Variants in KHDRBS2 observed in about 807,000 individuals in gnomAD.
The protein encoded by KHDRBS2 is KH RNA binding domain containing, signal transduction associated 2.
A neutral mutation model predicts 44.3 loss-of-function variants in KHDRBS2; 26 were observed. The ratio of observed to expected loss-of-function variants is 0.59; its 90% CI spans 0.43 to 0.81. KHDRBS2 has a LOEUF of 0.81. KHDRBS2 is among the 40% of genes least tolerant of loss of function. The probability of loss-of-function intolerance (pLI) is 0.00; values close to 1 mark genes in which losing one functional copy is unlikely to be tolerated. For missense variants in KHDRBS2, 476 were observed against 433.1 expected (o/e 1.10, Z -0.88); for synonymous variants, 194 against 151.1 (o/e 1.28, Z -2.08).
intron 1 of KHDRBS2, among the ~76,000 whole-genome samples, chr6:62,198,751 C>G (rs1337904905): frequency 1.3e-5 from 2 of 152,146 alleles, no homozygotes; most frequent in Admixed American, 1.3e-4. Context: ...CCAGCAACAT[C>G]CTGATACCAA....
chr6:61,596,759 C>T, the KHDRBS2 span, among the ~76,000 whole-genome samples: 2 of 152,120 alleles, frequency 1.3e-5, no homozygotes, highest in Non-Finnish European at 2.9e-5. Flanking sequence ...TCAAGTGATT[C>T]TTCTGCCTCA....
chr6:62,207,212 T>G (rs1415973527), intron 1 of KHDRBS2, among the ~76,000 whole-genome samples: 1 of 152,066 alleles, frequency 6.6e-6, no homozygotes, highest in Non-Finnish European at 1.5e-5. Flanking sequence ...GAAAAAAGTG[T>G]AAAGATTCTG....
rs1317927714 is a variant in KHDRBS2, at chr6:61,721,961, C to T, written c.893+10721G>A. Among the ~76,000 whole-genome samples the T allele has an allele frequency of 2.7e-5, 4 of 148,490 alleles. No individual in the cohort carries two copies. In the East Asian group the frequency reaches 8.0e-4, roughly 30 times the overall value. On this transcript the variant is annotated intron_variant, in intron 7 of 8. Transcript: ENST00000281156. The stretch of plus-strand genomic sequence containing the variant: ...ATTTTGAGATACGTCCAATCAATAC[C>T]TAATTTATTGAGAGTTTTTAGCATG...
chr6:61,894,562 A>T, intron 6 of KHDRBS2, 73 bp downstream of exon 6: 1 of 1,220,036 alleles, frequency 8.2e-7, no homozygotes, highest in Non-Finnish European at 1.2e-6. Flanking sequence ...ACGGTATATG[A>T]ACAGTTTGAG....
At chr6:61,564,508 C>A in the KHDRBS2 span, among the ~76,000 whole-genome samples, 1 of 152,014 alleles carries the variant, frequency 6.6e-6, no homozygotes, top group Admixed American at 6.6e-5. Flanking sequence ...TTTTATGGTT[C>A]TCTGGTGAGT....
At chr6:61,973,728 T>C (rs1186496389) in intron 4 of KHDRBS2, among the ~76,000 whole-genome samples, 1 of 152,174 alleles carries the variant, frequency 6.6e-6, no homozygotes, top group Admixed American at 6.5e-5. Context: ...ATATCTTTCC[T>C]TTAAATTATA....
chr6:61,991,708 A>G (rs1454323707), intron 3 of KHDRBS2, among the ~76,000 whole-genome samples: 2 of 152,184 alleles, frequency 1.3e-5, no homozygotes, highest in African/African-American at 4.8e-5. Flanking sequence ...TTCAAGGTGG[A>G]ATATCAGTTT....
intron 1 of KHDRBS2, among the ~76,000 whole-genome samples, chr6:62,278,975 T>TC (rs1355294782): frequency 2.6e-5 from 4 of 152,028 alleles, no homozygotes; most frequent in Non-Finnish European, 4.4e-5. Context: ...GTGCCTGTAG[T>TC]CCCAGCTACT....
At chr6:62,133,177 G>A (rs1028787955) in intron 2 of KHDRBS2, among the ~76,000 whole-genome samples, 2 of 152,138 alleles carry the variant, frequency 1.3e-5, no homozygotes, top group Non-Finnish European at 2.9e-5. Context: ...TGGGAATGTA[G>A]ATTGGTGATA....
At chr6:62,025,633 T>A (rs1188914853) in intron 3 of KHDRBS2, among the ~76,000 whole-genome samples, 1 of 151,962 alleles carries the variant, frequency 6.6e-6, no homozygotes. Context: ...TTTTTCCAAT[T>A]TTTTTTAATA....
intron 1 of KHDRBS2, among the ~76,000 whole-genome samples, chr6:62,220,994 C>T (rs1001396804): frequency 7.2e-5 from 11 of 151,818 alleles, no homozygotes; most frequent in African/African-American, 2.4e-4. Flanking sequence ...TAAATCACCA[C>T]CTTGTAAAGA....
intron 6 of KHDRBS2, among the ~76,000 whole-genome samples, chr6:61,857,712 A>G (rs1562314389): frequency 6.6e-6 from 1 of 152,018 alleles, no homozygotes; most frequent in Non-Finnish European, 1.5e-5. Context: ...TTGATTGAAC[A>G]GTATGATCTC....
intron 6 of KHDRBS2, among the ~76,000 whole-genome samples, chr6:61,834,764 T>G (rs1229047005): frequency 2.0e-5 from 3 of 152,138 alleles, no homozygotes; most frequent in African/African-American, 7.2e-5. Flanking sequence ...TAAATCTTAA[T>G]GCATAGGAGT....
chr6:61,995,544 GT>G (rs1777012549), intron 3 of KHDRBS2, among the ~76,000 whole-genome samples: 1 of 152,144 alleles, frequency 6.6e-6, no homozygotes, highest in Admixed American at 6.6e-5. Context: ...TTATAACACT[GT>G]TTTTGTCCAA....
rs374746094 is a variant in KHDRBS2 at position 61,694,908 on chromosome 6, C to T, written c.952+2287G>A. On this transcript the variant is annotated intron_variant, in intron 8 of 8. Coordinates refer to ENST00000281156, the MANE Select transcript of KHDRBS2 (RefSeq NM_152688.4). Reference sequence around the variant, plus strand: ...TGTTAATTTGTTTTGGAAAATAGTTCTGTCTCCTATAACAGCAAAATATTA... The same window carrying T: ...TGTTAATTTGTTTTGGAAAATAGTTTTGTCTCCTATAACAGCAAAATATTA... 2.6e-4 allele frequency among the ~76,000 whole-genome samples: 40 copies of T among 152,232 alleles called. No homozygotes were observed. The East Asian group carries it at 4.3e-3, about 16-fold the overall frequency.
chr6:61,963,728 G>A (rs183100897), intron 4 of KHDRBS2, among the ~76,000 whole-genome samples: 229 of 152,076 alleles, frequency 1.5e-3, no homozygotes, highest in African/African-American at 5.2e-3. Context: ...ACACATAGCC[G>A]GCAGGATTTT....
chr6:61,570,055 C>T, the KHDRBS2 span, among the ~76,000 whole-genome samples: 1 of 151,940 alleles, frequency 6.6e-6, no homozygotes, highest in Non-Finnish European at 1.5e-5. Context: ...AGATCTTCAG[C>T]AATGGTTCCA....
chr6:62,164,350 A>G (rs1818243620), intron 2 of KHDRBS2, among the ~76,000 whole-genome samples: 1 of 151,900 alleles, frequency 6.6e-6, no homozygotes, highest in Non-Finnish European at 1.5e-5. Flanking sequence ...ACACATAATA[A>G]TTCTTAGTTT....
chr6:61,809,571 A>C (rs1345784614), intron 6 of KHDRBS2, among the ~76,000 whole-genome samples: 1 of 152,152 alleles, frequency 6.6e-6, no homozygotes, highest in African/African-American at 2.4e-5. Context: ...AATAAAAAAA[A>C]CCTAAAGCCA....
Sources: allele counts gnomAD v4.1 joint callset (sites outside exome capture counted in the v4.1 genomes callset), GRCh38; gene constraint gnomAD v4.1.1; transcripts MANE v1.5; gene names NCBI Gene and HGNC (gene_info 2026-07-23, HGNC 2026-07-21).